Variants in L3MBTL4 observed in about 807,000 individuals in gnomAD.
L3MBTL4 encodes the protein L3MBTL histone methyl-lysine binding protein 4, also known as lethal(3)malignant brain tumor-like protein 4.
L3MBTL4 carries 70 observed loss-of-function variants against 84.5 expected under a neutral mutation model. That is an observed-to-expected ratio of 0.83 (90% CI 0.68 to 1.01). The LOEUF is 1.01. Ranked by LOEUF, L3MBTL4 falls within the 50% of genes least tolerant of loss-of-function variation. The probability of loss-of-function intolerance (pLI) is 0.00; values close to 1 mark genes in which losing one functional copy is unlikely to be tolerated. For missense variants in L3MBTL4, 715 were observed against 754.8 expected (o/e 0.95, Z 0.62); for synonymous variants, 274 against 259.8 (o/e 1.05, Z -0.52).
intron 14 of L3MBTL4, among the ~76,000 whole-genome samples, chr18:6,116,376 T>A (rs1465858857): frequency 2.0e-5 from 3 of 150,280 alleles, no homozygotes; most frequent in Admixed American, 2.0e-4. Context: ...TTTTTTTTTT[T>A]TTGAGATGGA....
At chr18:6,257,708 G>A (rs561359161) in intron 5 of L3MBTL4, among the ~76,000 whole-genome samples, 9 of 145,856 alleles carry the variant, frequency 6.2e-5, no homozygotes, top group Non-Finnish European at 1.3e-4. Flanking sequence ...GTGCAATGGC[G>A]CAATCTTGGC....
At chr18:6,192,416 A>G (rs564296629) in intron 12 of L3MBTL4, among the ~76,000 whole-genome samples, 2 of 152,188 alleles carry the variant, frequency 1.3e-5, no homozygotes, top group East Asian at 1.9e-4. Flanking sequence ...TGGAAGGTTC[A>G]TCCATAGCAA....
intron 13 of L3MBTL4, among the ~76,000 whole-genome samples, chr18:6,140,749 C>T (rs898145413): frequency 6.6e-6 from 1 of 152,048 alleles, no homozygotes; most frequent in African/African-American, 2.4e-5. Flanking sequence ...TCCAGTTTCT[C>T]CATCATAAAA....
intron 16 of L3MBTL4, among the ~76,000 whole-genome samples, chr18:6,007,615 G>A (rs983972848): frequency 1.3e-5 from 2 of 152,070 alleles, no homozygotes; most frequent in Non-Finnish European, 2.9e-5. Flanking sequence ...TATCCTGTAG[G>A]CCTACTAGCA....
At chr18:6,225,313 G>A (rs2046733213) in intron 10 of L3MBTL4, among the ~76,000 whole-genome samples, 1 of 152,234 alleles carries the variant, frequency 6.6e-6, no homozygotes, top group Non-Finnish European at 1.5e-5. Flanking sequence ...AGACTTAAAG[G>A]CCAAGTGGGG....
intron 5 of L3MBTL4, chr18:6,259,803 T>A (rs577359974): frequency 6.6e-6 from 1 of 152,340 alleles, no homozygotes; most frequent in Non-Finnish European, 1.5e-5. Flanking sequence ...TAGGTCTCAG[T>A]TGTCAAATTT....
chr18:6,176,260 A>G (rs2044220963), intron 12 of L3MBTL4, among the ~76,000 whole-genome samples: 1 of 152,198 alleles, frequency 6.6e-6, no homozygotes, highest in South Asian at 2.1e-4. Context: ...AATTTTGTAA[A>G]AAAAATTAAC....
At position 6,145,898 on chromosome 18, in the gene L3MBTL4, G is replaced by A. The variant is rs527465532; in HGVS notation, c.1097-7602C>T. On this transcript the variant is annotated intron_variant, in intron 13 of 18. Coordinates refer to ENST00000317931, the MANE Select transcript of L3MBTL4 (RefSeq NM_001330559.2). ...GATGGAATAAGCCATCAGGTAAGAA[G>A]CATGACAGCAAGTCAGAGTGATGAT... Among the ~76,000 whole-genome samples the A allele has an allele frequency of 2.0e-5, 3 of 152,204 alleles. No homozygotes were observed. In the South Asian group the frequency reaches 6.2e-4, roughly 31 times the overall value.
intron 16 of L3MBTL4, among the ~76,000 whole-genome samples, chr18:5,999,101 CAA>C (rs943365953): frequency 1.4e-4 from 22 of 152,242 alleles, no homozygotes; most frequent in African/African-American, 5.1e-4. Context: ...TGCCTCACCA[CAA>C]GTTTCTTTCT....
chr18:6,225,057 A>G (rs541035485), intron 10 of L3MBTL4, among the ~76,000 whole-genome samples: 88 of 152,280 alleles, frequency 5.8e-4, no homozygotes, highest in African/African-American at 2.0e-3. Context: ...ATTGGAAAGT[A>G]GGGGGGAGCG....
intron 1 of L3MBTL4, among the ~76,000 whole-genome samples, chr18:6,379,715 T>C (rs1282925160): frequency 6.6e-6 from 1 of 152,236 alleles, no homozygotes; most frequent in Non-Finnish European, 1.5e-5. Context: ...AGGATTCGTT[T>C]TGCCAGTATT....
intron 12 of L3MBTL4, among the ~76,000 whole-genome samples, chr18:6,181,563 C>A (rs2044472783): frequency 6.6e-6 from 1 of 152,078 alleles, no homozygotes; most frequent in African/African-American, 2.4e-5. Flanking sequence ...CTCCTGACCT[C>A]AAGTTATCCG....
chr18:6,180,820 TGCTTGTATGCCAATG>T (rs2044434508), intron 12 of L3MBTL4, among the ~76,000 whole-genome samples: 1 of 152,218 alleles, frequency 6.6e-6, no homozygotes, highest in Non-Finnish European at 1.5e-5. Context: ...TGTTTTTCCA[TGCTTGTATGCCAATG>T]TTCATGGCAA....
intron 3 of L3MBTL4, among the ~76,000 whole-genome samples, chr18:6,306,877 C>A (rs1325693090): frequency 6.6e-6 from 1 of 152,204 alleles, no homozygotes; most frequent in East Asian, 1.9e-4. Flanking sequence ...AGCTAATAAG[C>A]AGCACAGCTA....
intron 1 of L3MBTL4, among the ~76,000 whole-genome samples, chr18:6,336,250 CAA>C (rs10713324): frequency 4.9e-5 from 7 of 143,730 alleles, no homozygotes. Flanking sequence ...TACCTAAAAG[CAA>C]AAAAAAAAGG....
chr18:6,215,538 G>A, intron 11 of L3MBTL4, among the ~76,000 whole-genome samples: 1 of 152,070 alleles, frequency 6.6e-6, no homozygotes, highest in East Asian at 1.9e-4. Context: ...CATTTTTCAA[G>A]GAAGGAAACC....
intron 18 of L3MBTL4, 32 bp from the exon 19 acceptor site, chr18:5,956,419 T>A: frequency 1.2e-6 from 2 of 1,607,508 alleles, no homozygotes; most frequent in Non-Finnish European, 1.7e-6. Context: ...CAAATAAAAA[T>A]GTTTTGCCAC....
At chr18:6,208,036 CCCA>C (rs2045945448) in intron 12 of L3MBTL4, among the ~76,000 whole-genome samples, 2 of 151,850 alleles carry the variant, frequency 1.3e-5, no homozygotes, top group Admixed American at 6.6e-5. Context: ...ATTGTGTGAG[CCCA>C]TGGAGGTCAA....
chr18:6,351,051 C>T (rs543325662), intron 1 of L3MBTL4, among the ~76,000 whole-genome samples: 1 of 152,164 alleles, frequency 6.6e-6, no homozygotes, highest in South Asian at 2.1e-4. Flanking sequence ...TAAAAATTAG[C>T]CAAGTGTGGT....
Sources: gnomAD v4.1 joint callset for allele counts (sites outside exome capture counted in the v4.1 genomes callset) on GRCh38, gnomAD v4.1.1 for gene constraint, MANE v1.5 for transcripts, NCBI Gene and HGNC (gene_info 2026-07-23, HGNC 2026-07-21) for gene names.